SLC9A6: variants seen among roughly 807,000 people sequenced by gnomAD.
SLC9A6 encodes the protein solute carrier family 9 member A6, also known as sodium/hydrogen exchanger 6.
A neutral mutation model predicts 45.3 loss-of-function variants in SLC9A6; 6 were observed. The ratio of observed to expected loss-of-function variants is 0.13; its 90% CI spans 0.07 to 0.26. The LOEUF (loss-of-function observed/expected upper bound fraction) is 0.26, where lower values mean the gene tolerates loss of function less well. Ranked by LOEUF, SLC9A6 falls within the 10% of genes least tolerant of loss-of-function variation. The pLI is 1.00. For missense variants in SLC9A6, 278 were observed against 503.7 expected (o/e 0.55, Z 4.29); for synonymous variants, 191 against 187.7 (o/e 1.02, Z -0.14).
chrX:135,988,481 CTTTCTTTCTTTCTTTCT>C (rs1441206170), intron 2 of SLC9A6, among the ~76,000 whole-genome samples: 5 of 99,112 alleles, frequency 5.0e-5, no homozygotes, highest in Non-Finnish European at 2.1e-5. Context: ...TCTTTTCTTT[CTTTCTTTCTTTCTTTCT>C]TTTCTTTCTT....
rs1556622334 is a variant in SLC9A6, at chrX:136,040,071, C to T, written c.1662-5C>T. ...AGGACCACAGCTCTTCCTTAACCACCGCAGCTATCTGAAGCCTCTGCTGAC... is the reference window on the plus strand; with the variant it reads ...AGGACCACAGCTCTTCCTTAACCACTGCAGCTATCTGAAGCCTCTGCTGAC... On this transcript the variant is annotated splice_polypyrimidine_tract_variant and splice_region_variant and intron_variant, in intron 16 of 17. Transcript: ENST00000630721. 3.3e-6 allele frequency: 4 copies of T among 1,196,499 alleles called. No individual in the cohort carries two copies. Among genetic ancestry groups the T allele is most frequent in the Admixed American group, 2.2e-5 (1 of 45,685 alleles).
chrX:135,984,660 A>G (rs1431746117), upstream of SLC9A6, among the ~76,000 whole-genome samples: 1 of 111,573 alleles, frequency 9.0e-6, no homozygotes, highest in African/African-American at 3.3e-5. Flanking sequence ...GAGATGAGAG[A>G]TAGGGGTCAA....
intron 1 of SLC9A6, among the ~76,000 whole-genome samples, chrX:135,978,825 C>A (rs1603180950): frequency 9.0e-6 from 1 of 110,662 alleles, no homozygotes; most frequent in African/African-American, 3.3e-5. Context: ...AAGCTTGAAA[C>A]TTACATTTGT....
intron 15 of SLC9A6, 84 bp from the exon 16 acceptor site, chrX:136,033,330 T>C: frequency 6.8e-6 from 4 of 589,469 alleles, no homozygotes; most frequent in Non-Finnish European, 1.1e-5. Context: ...TAGTAGCCTC[T>C]ATTTCTGATT....
At chrX:135,982,665 G>A (rs2089292423), upstream of SLC9A6, among the ~76,000 whole-genome samples, 1 of 111,029 alleles carries the variant, frequency 9.0e-6, no homozygotes, top group South Asian at 3.8e-4. Context: ...GTAGAGACAG[G>A]GTTTCACTAT....
In SLC9A6 at chrX:136,046,988, C is replaced by T. The variant is rs782236444; in HGVS notation, c.*2264C>T. On this transcript the variant is annotated 3_prime_UTR_variant, in exon 18 of 18. Coordinates refer to ENST00000630721, the MANE Select transcript of SLC9A6 (RefSeq NM_001379110.1). ...TTTCTTGGCATTTATCCTAGTTGTC[C>T]GTGTTTGGCAATGTGCTGTTAAAGT... 1 of 112,188 alleles carries T rather than the reference C, an allele frequency of 8.9e-6. No individual in the cohort carries two copies. The highest frequency in any genetic ancestry group is 1.9e-5 in the Non-Finnish European group (1 of 53,176). 9.2% of individuals were successfully genotyped at this position (112,188 alleles called of 1,213,427 possible).
chrX:136,037,269 C>CAA (rs1304409395), intron 16 of SLC9A6, among the ~76,000 whole-genome samples: 1 of 112,423 alleles, frequency 8.9e-6, no homozygotes, highest in African/African-American at 3.2e-5. Flanking sequence ...CACGCACACA[C>CAA]ACAACTGCTG....
chrX:136,039,170 C>T (rs1384855827), intron 16 of SLC9A6, among the ~76,000 whole-genome samples: 1 of 109,103 alleles, frequency 9.2e-6, no homozygotes, highest in Non-Finnish European at 1.9e-5. Flanking sequence ...TCAAGACCAG[C>T]CCTAGCAACA....
chrX:135,974,006 G>A (rs1437309123), upstream of SLC9A6: 17 of 790,040 alleles, frequency 2.2e-5, no homozygotes, highest in South Asian at 4.4e-5. Context: ...GCCGGCAAAT[G>A]GGGGCAGGGC....
At chrX:136,032,272 A>G (rs1445483691) in intron 15 of SLC9A6, among the ~76,000 whole-genome samples, 2 of 111,956 alleles carry the variant, frequency 1.8e-5, no homozygotes, top group Non-Finnish European at 3.8e-5. Context: ...GGGTTTCCCC[A>G]TATTGGTCAG....
intron 7 of SLC9A6, among the ~76,000 whole-genome samples, chrX:136,004,802 T>C (rs2089632995): frequency 8.9e-6 from 1 of 112,420 alleles, no homozygotes; most frequent in Admixed American, 9.4e-5. Flanking sequence ...TAACTCATAT[T>C]GATACTGAAC....
intron 8 of SLC9A6, 72 bp downstream of exon 8, chrX:136,010,655 TC>T: frequency 1.0e-6 from 1 of 970,938 alleles, no homozygotes; most frequent in Non-Finnish European, 1.5e-6. Context: ...CCGTTGTTTT[TC>T]CTAGTTCTAT....
chrX:135,981,334 GCACT>G (rs1208431321), upstream of SLC9A6, among the ~76,000 whole-genome samples: 3 of 110,902 alleles, frequency 2.7e-5, no homozygotes, highest in Non-Finnish European at 1.9e-5. Context: ...TCCTGAGAAC[GCACT>G]CACTATCACA....
chrX:135,995,151 G>T (rs1360676328), intron 3 of SLC9A6, among the ~76,000 whole-genome samples, 166 bp downstream of exon 3: 5 of 111,700 alleles, frequency 4.5e-5, no homozygotes, highest in Non-Finnish European at 9.4e-5. Context: ...AAATGGATAT[G>T]TCTGTACAAC....
intron 8 of SLC9A6, among the ~76,000 whole-genome samples, chrX:136,012,713 C>T (rs1438805280): frequency 8.9e-6 from 1 of 112,212 alleles, no homozygotes; most frequent in Non-Finnish European, 1.9e-5. Context: ...GTGTGATACC[C>T]GTGAAACAAT....
intron 8 of SLC9A6, among the ~76,000 whole-genome samples, chrX:136,011,532 G>A (rs1468169660): frequency 3.6e-5 from 4 of 110,510 alleles, no homozygotes; most frequent in African/African-American, 6.6e-5. Context: ...ATGAGCCACC[G>A]TGCCCGGCCT....
intron 2 of SLC9A6, among the ~76,000 whole-genome samples, chrX:135,986,370 T>A (rs2089340528): frequency 9.2e-6 from 1 of 108,615 alleles, no homozygotes; most frequent in South Asian, 3.9e-4. Context: ...TCTTGTGGAG[T>A]CCGAAAAAAA....
chrX:135,999,788 C>T (rs189860878), intron 6 of SLC9A6, among the ~76,000 whole-genome samples: 1 of 111,735 alleles, frequency 8.9e-6, no homozygotes, highest in East Asian at 2.8e-4. Flanking sequence ...TTAAGACTTT[C>T]GTTGAAGCTC....
intron 11 of SLC9A6, among the ~76,000 whole-genome samples, chrX:136,018,928 A>C (rs184347825): frequency 9.0e-6 from 1 of 111,430 alleles, no homozygotes; most frequent in African/African-American, 3.3e-5. Flanking sequence ...AGAAGTTCTT[A>C]GCTGAAAGAT....
Sources: allele counts gnomAD v4.1 joint callset (sites outside exome capture counted in the v4.1 genomes callset), GRCh38; gene constraint gnomAD v4.1.1; transcripts MANE v1.5; gene names NCBI Gene and HGNC (gene_info 2026-07-23, HGNC 2026-07-21).